Variants in AOAH observed in about 807,000 individuals in gnomAD.
AOAH encodes the protein acyloxyacyl hydrolase, also known as acyloxyacyl hydrolase (neutrophil).
Under a neutral mutation model 92.2 loss-of-function variants are expected in AOAH, and 64 were observed. The ratio of observed to expected loss-of-function variants is 0.69; its 90% CI spans 0.57 to 0.86. The LOEUF is 0.86. Among genes scored for constraint, AOAH ranks in the 40% least tolerant of loss-of-function variants. AOAH has a pLI of 0.00. For missense variants in AOAH, 656 were observed against 694.6 expected, an observed-to-expected ratio of 0.94 and a Z score of 0.62; for synonymous variants, 263 against 254.5, an observed-to-expected ratio of 1.03 and a Z score of -0.32.
At chr7:36,558,446 T>C (rs201530899) in intron 13 of AOAH, among the ~76,000 whole-genome samples, 2 of 152,226 alleles carry the variant, frequency 1.3e-5, no homozygotes, top group South Asian at 4.1e-4. Context: ...GTCAGGGACC[T>C]ACTTGAGGAG....
intron 3 of AOAH, among the ~76,000 whole-genome samples, chr7:36,665,075 A>G (rs770214590): frequency 6.6e-6 from 1 of 152,220 alleles, no homozygotes; most frequent in South Asian, 2.1e-4. Context: ...TCACATTTCA[A>G]CATGAGATAT....
chr7:36,610,411 G>A (rs1372688445), intron 11 of AOAH, among the ~76,000 whole-genome samples: 1 of 151,506 alleles, frequency 6.6e-6, no homozygotes, highest in Admixed American at 6.6e-5. Flanking sequence ...GGGAGTGCTG[G>A]AAAGAGTGCA....
chr7:36,608,227 G>A (rs779405427), intron 11 of AOAH, among the ~76,000 whole-genome samples: 12 of 152,220 alleles, frequency 7.9e-5, no homozygotes, highest in South Asian at 2.1e-4. Flanking sequence ...TCTTAGTGGC[G>A]TCTTTACAGT....
At chr7:36,569,567 A>ATATCTATCTATCTATC (rs56357618) in intron 13 of AOAH, among the ~76,000 whole-genome samples, 5 of 143,286 alleles carry the variant, frequency 3.5e-5, no homozygotes, top group African/African-American at 1.3e-4. Context: ...CCAGATTTAC[A>ATATCTATCTATCTATC]TATCTATCTA....
chr7:36,518,264 C>T (rs1336538244), intron 20 of AOAH, among the ~76,000 whole-genome samples: 1 of 152,080 alleles, frequency 6.6e-6, no homozygotes, highest in East Asian at 1.9e-4. Context: ...AGCTGGAATG[C>T]AGTGACGCAA....
chr7:36,680,933 C>T (rs187866333), intron 2 of AOAH, among the ~76,000 whole-genome samples: 21 of 152,250 alleles, frequency 1.4e-4, no homozygotes, highest in Admixed American at 1.2e-3. Context: ...ATTTCCTGTT[C>T]GAAGTCAGAA....
intron 12 of AOAH, among the ~76,000 whole-genome samples, chr7:36,594,070 A>G (rs1789927699): frequency 6.6e-6 from 1 of 152,206 alleles, no homozygotes; most frequent in Admixed American, 6.5e-5. Flanking sequence ...TGAATCAGAA[A>G]ATTTCAGTGA....
In AOAH at chr7:36,677,950, G is replaced by C. The variant is rs116796099; in HGVS notation, c.224-3941C>G. ...TAGTGGTTTCTTAGGGCTGGAAAGA[G>C]TGGGTGTTTGGGGGCGGATGCTAAA... On this transcript the variant is annotated intron_variant, in intron 2 of 20. Transcript: ENST00000617537. 4.4e-3 allele frequency among the ~76,000 whole-genome samples: 675 copies of C among 152,280 alleles called. 6 individuals are homozygous for C. Among genetic ancestry groups the C allele is most frequent in the African/African-American group, 0.016 (650 of 41,534 alleles).
intron 20 of AOAH, chr7:36,514,535 TG>T (rs1562850062): frequency 6.5e-7 from 1 of 1,535,982 alleles, no homozygotes; most frequent in East Asian, 2.4e-5. Flanking sequence ...GGTCCATTCT[TG>T]GTTGTCCAGT....
chr7:36,702,533 C>T (rs1036742389), intron 1 of AOAH, among the ~76,000 whole-genome samples: 16 of 152,172 alleles, frequency 1.1e-4, no homozygotes, highest in Non-Finnish European at 2.4e-4. Flanking sequence ...AAGCAAATAA[C>T]TCAATAGTCA....
intron 1 of AOAH, among the ~76,000 whole-genome samples, chr7:36,703,362 T>C (rs746109704): frequency 6.6e-6 from 1 of 152,178 alleles, no homozygotes; most frequent in Non-Finnish European, 1.5e-5. Context: ...AATAAGTGCC[T>C]ATGGCAGCTA....
intron 3 of AOAH, among the ~76,000 whole-genome samples, chr7:36,660,035 T>C (rs1041720117): frequency 2.0e-5 from 3 of 152,244 alleles, no homozygotes; most frequent in Admixed American, 6.5e-5. Context: ...ATAAGTCTTA[T>C]GATCTCTCCA....
intron 3 of AOAH, among the ~76,000 whole-genome samples, chr7:36,670,099 G>A (rs1403931871): frequency 1.3e-5 from 2 of 151,972 alleles, no homozygotes; most frequent in Non-Finnish European, 2.9e-5. Flanking sequence ...GGCTCTGCCT[G>A]TAGGAAGGAA....
intron 20 of AOAH, chr7:36,514,444 A>G: frequency 6.7e-7 from 1 of 1,484,290 alleles, no homozygotes; most frequent in South Asian, 1.2e-5. Context: ...AGCAGGCTCG[A>G]CTCTGGCTTT....
chr7:36,680,365 G>A (rs984882330), intron 2 of AOAH, among the ~76,000 whole-genome samples: 7 of 152,228 alleles, frequency 4.6e-5, no homozygotes, highest in South Asian at 4.1e-4. Context: ...TGGTGCTTAC[G>A]CGATTTCCCT....
intron 20 of AOAH, among the ~76,000 whole-genome samples, chr7:36,519,553 C>T (rs562221027): frequency 6.6e-6 from 1 of 152,358 alleles, no homozygotes; most frequent in African/African-American, 2.4e-5. Flanking sequence ...GCCTCAGCCT[C>T]CCAAGTAGCT....
intron 2 of AOAH, among the ~76,000 whole-genome samples, chr7:36,675,539 C>T (rs1796197544): frequency 6.6e-6 from 1 of 152,184 alleles, no homozygotes; most frequent in South Asian, 2.1e-4. Context: ...CAGCTAGCTG[C>T]ACCAGATAGG....
At position 36,618,344 on chromosome 7, in the gene AOAH, C is replaced by T. The variant is rs755213742; in HGVS notation, c.704G>A (p.Gly235Asp). ...HQDSNCNGIW[G>D]VDPKDGVPYE... ...TGGAACTCCATCTTTTGGATCGACACCCTTTAAAAAAGAAACGATGTGATT... is the reference window on the plus strand; with the variant it reads ...TGGAACTCCATCTTTTGGATCGACATCCTTTAAAAAAGAAACGATGTGATT... The change falls in exon 10 of 21, where the codon GGT becomes GAT. Residue 235 changes from glycine to aspartate, a missense_variant and splice_region_variant. Coordinates refer to ENST00000617537, the MANE Select transcript of AOAH (RefSeq NM_001637.4). 14 of 1,613,902 alleles carry T rather than the reference C, an allele frequency of 8.7e-6. No homozygotes were observed. The highest frequency in any genetic ancestry group is 1.7e-5 in the Admixed American group (1 of 60,000).
At chr7:36,701,238 T>C (rs550200152) in intron 1 of AOAH, among the ~76,000 whole-genome samples, 13 of 152,044 alleles carry the variant, frequency 8.6e-5, no homozygotes, top group African/African-American at 2.6e-4. Flanking sequence ...TCCTGGAGAA[T>C]GGTCCATGAA....
Sources: gnomAD v4.1 joint callset for allele counts (sites outside exome capture counted in the v4.1 genomes callset) on GRCh38, gnomAD v4.1.1 for gene constraint, MANE v1.5 for transcripts, NCBI Gene and HGNC (gene_info 2026-07-23, HGNC 2026-07-21) for gene names.